The following CNTNAP5 variants were observed in gnomAD, a reference collection of about 807,000 sequenced individuals.
CNTNAP5 encodes contactin associated protein family member 5, also known as contactin-associated protein-like 5.
In CNTNAP5, 72 loss-of-function variants were observed where a neutral mutation model predicts 150.2. That is an observed-to-expected ratio of 0.48 (90% CI 0.40 to 0.58). The LOEUF (loss-of-function observed/expected upper bound fraction) is 0.58. CNTNAP5 is among the 20% of genes least tolerant of loss of function. The pLI, the probability that CNTNAP5 is intolerant of heterozygous loss-of-function variation, is 0.00. For synonymous variants in CNTNAP5, 672 were observed against 619.8 expected (o/e 1.08, Z -1.25); for missense variants, 1,636 against 1,626.2 (o/e 1.01, Z -0.10).
intron 19 of CNTNAP5, among the ~76,000 whole-genome samples, chr2:124,847,170 A>C (rs1391802885): frequency 6.6e-6 from 1 of 152,186 alleles, no homozygotes; most frequent in East Asian, 1.9e-4. Context: ...GAGCAGGGCC[A>C]TAGAGCTCCC....
chr2:124,387,398 C>A (rs113369583), intron 3 of CNTNAP5, among the ~76,000 whole-genome samples: 309 of 152,348 alleles, frequency 2.0e-3, no homozygotes, highest in African/African-American at 7.2e-3. Context: ...ACCAAACAGG[C>A]TTTGTGTGAG....
At chr2:124,738,497 T>C (rs1573584146) in intron 13 of CNTNAP5, among the ~76,000 whole-genome samples, 1 of 151,424 alleles carries the variant, frequency 6.6e-6, no homozygotes, top group African/African-American at 2.4e-5. Flanking sequence ...CTTTGGGAGG[T>C]TGAGGCAGGC....
intron 1 of CNTNAP5, among the ~76,000 whole-genome samples, chr2:124,191,386 G>T (rs181856592): frequency 6.6e-6 from 1 of 152,198 alleles, no homozygotes; most frequent in African/African-American, 2.4e-5. Context: ...TCTTTAAGAG[G>T]TTTTGCTTGT....
Position 124,417,565 on chromosome 2 carries a change from A to C in CNTNAP5, c.504A>C (p.Arg168Ser), listed in dbSNP as rs767776332. The change falls in exon 4 of 24, where the codon AGA (arginine) becomes AGC (serine). Residue 168 changes from arginine to serine, a missense_variant. By Grantham distance (110) the Arg-to-Ser change is moderately radical. Transcript: ENST00000682447. The stretch of plus-strand genomic sequence containing the variant: ...ATCCCAGTGGGAAGATTGGCATGAG[A>C]GTCGAGGTCTACGGATGTTCCTATA... The part of the protein sequence containing the change: ...EWNPSGKIGM[R>S]VEVYGCSYKS... The C allele has an allele frequency of 6.2e-7, 1 of 1,613,690 alleles. No homozygotes were observed. The highest frequency in any genetic ancestry group is 8.5e-7 in the Non-Finnish European group (1 of 1,179,764).
At chr2:124,864,391 A>G (rs1374071032) in intron 19 of CNTNAP5, among the ~76,000 whole-genome samples, 3 of 152,180 alleles carry the variant, frequency 2.0e-5, no homozygotes, top group Non-Finnish European at 4.4e-5. Context: ...TACCTGAAAC[A>G]ACATACAATA....
chr2:124,082,352 A>C (rs1682579925), intron 1 of CNTNAP5, among the ~76,000 whole-genome samples: 1 of 76,914 alleles, frequency 1.3e-5, no homozygotes, highest in Admixed American at 1.6e-4. Context: ...CTCTCTCAAA[A>C]AAAAAAAAAA....
At chr2:124,114,344 T>C (rs1009888539) in intron 1 of CNTNAP5, among the ~76,000 whole-genome samples, 2 of 152,032 alleles carry the variant, frequency 1.3e-5, no homozygotes, top group African/African-American at 4.8e-5. Flanking sequence ...TGTGCTTCTC[T>C]AGTTACATTT....
Position 124,527,375 on chromosome 2 carries a change from C to G in CNTNAP5, c.1568C>G (p.Pro523Arg). Residue 523 changes from proline to arginine, a missense_variant, in exon 10 of 24, where the codon CCC (proline) becomes CGC (arginine). Physicochemically the swap from Pro to Arg is moderately radical, Grantham distance 103. Coordinates refer to ENST00000682447, the MANE Select transcript of CNTNAP5 (RefSeq NM_001367498.1). ...AGGCTCATCTTTATTGATAACCAGCCCAAGGACCTCATTTCAGTTCAGCAA... is the reference window on the plus strand; with the variant it reads ...AGGCTCATCTTTATTGATAACCAGCGCAAGGACCTCATTTCAGTTCAGCAA... ...CMRLIFIDNQPKDLISVQQGS... is the reference protein window; with the variant it reads ...CMRLIFIDNQRKDLISVQQGS... The G allele has an allele frequency of 6.2e-7, 1 of 1,613,518 alleles. No homozygotes were observed. The highest frequency in any genetic ancestry group is 8.5e-7 in the Non-Finnish European group (1 of 1,179,552).
intron 1 of CNTNAP5, among the ~76,000 whole-genome samples, chr2:124,195,451 C>T (rs1242799949): frequency 6.6e-6 from 1 of 152,166 alleles, no homozygotes; most frequent in Non-Finnish European, 1.5e-5. Context: ...TCAACACTGT[C>T]CCACAGCACC....
intron 7 of CNTNAP5, among the ~76,000 whole-genome samples, chr2:124,497,573 C>G (rs1694179669): frequency 6.6e-6 from 1 of 152,154 alleles, no homozygotes; most frequent in Non-Finnish European, 1.5e-5. Context: ...TATGTTTAAT[C>G]ATAAAGCCAG....
At chr2:124,606,272 G>A (rs1244380751) in intron 11 of CNTNAP5, among the ~76,000 whole-genome samples, 1 of 152,024 alleles carries the variant, frequency 6.6e-6, no homozygotes, top group Non-Finnish European at 1.5e-5. Context: ...TGGATGGATG[G>A]GGGAATGGAA....
In CNTNAP5 at chr2:124,920,438, C is replaced by T. The variant is rs747843311; in HGVS notation, c.*6150C>T. ...ACATGAAATATTCACCTAGTCTATT[C>T]TCTTTGAAAGGTAGTATCAACCTGT... On this transcript the variant is annotated 3_prime_UTR_variant, in exon 24 of 24. Transcript: ENST00000682447. Among the ~76,000 whole-genome samples the T allele has an allele frequency of 2.6e-5, 4 of 152,136 alleles. No homozygotes were observed. The highest frequency in any genetic ancestry group is 4.4e-5 in the Non-Finnish European group (3 of 68,010).
chr2:124,492,220 T>C (rs1018416672), intron 7 of CNTNAP5, among the ~76,000 whole-genome samples: 1 of 152,210 alleles, frequency 6.6e-6, no homozygotes, highest in Non-Finnish European at 1.5e-5. Context: ...TTCATCTATA[T>C]TTTCTTCTCA....
At chr2:124,713,294 T>TTTC (rs1430107195) in intron 13 of CNTNAP5, among the ~76,000 whole-genome samples, 11 of 121,590 alleles carry the variant, frequency 9.0e-5, no homozygotes, top group Non-Finnish European at 1.5e-4. Context: ...TCTTTCTTTC[T>TTTC]TTCTTTCTTC....
chr2:124,271,728 T>C (rs554200127), intron 3 of CNTNAP5, among the ~76,000 whole-genome samples: 23 of 150,046 alleles, frequency 1.5e-4, no homozygotes, highest in Admixed American at 1.0e-3. Flanking sequence ...ATCTATCTAT[T>C]TATTGAGACA....
intron 11 of CNTNAP5, among the ~76,000 whole-genome samples, chr2:124,601,705 C>A (rs1478426715): frequency 6.6e-6 from 1 of 152,056 alleles, no homozygotes; most frequent in East Asian, 1.9e-4. Context: ...AAAAACCAAT[C>A]TTCTATAATT....
chr2:124,310,899 G>A (rs1160077095), intron 3 of CNTNAP5, among the ~76,000 whole-genome samples: 1 of 152,148 alleles, frequency 6.6e-6, no homozygotes, highest in African/African-American at 2.4e-5. Flanking sequence ...AGGGCCTTGT[G>A]CAAGTGCCTA....
intron 1 of CNTNAP5, among the ~76,000 whole-genome samples, chr2:124,098,922 C>T (rs58931826): frequency 0.028 from 4,212 of 152,204 alleles, 203 homozygotes; most frequent in African/African-American, 0.095. Flanking sequence ...AGACACTGCA[C>T]CAACTGCCTG....
chr2:124,520,668 G>T (rs1199111162), intron 8 of CNTNAP5, among the ~76,000 whole-genome samples: 1 of 152,054 alleles, frequency 6.6e-6, no homozygotes, highest in African/African-American at 2.4e-5. Flanking sequence ...ATATCATGGG[G>T]GTGCTTAGTG....
Sources: gnomAD v4.1 joint callset for allele counts (sites outside exome capture counted in the v4.1 genomes callset) on GRCh38, gnomAD v4.1.1 for gene constraint, MANE v1.5 for transcripts, NCBI Gene and HGNC (gene_info 2026-07-23, HGNC 2026-07-21) for gene names.